The following UNC5B variants were observed in gnomAD, a reference collection of about 807,000 sequenced individuals.
UNC5B encodes unc-5 netrin receptor B, also known as netrin receptor UNC5B.
Under a neutral mutation model 103.7 loss-of-function variants are expected in UNC5B, and 56 were observed. The observed-to-expected ratio is 0.54, with a 90% CI of 0.44 to 0.67. UNC5B has a LOEUF of 0.67. UNC5B is among the 30% of genes least tolerant of loss of function. UNC5B has a pLI of 0.00. For synonymous variants in UNC5B, 577 were observed against 542.0 expected (o/e 1.06, Z -0.90); for missense variants, 1,194 against 1,284.5 (o/e 0.93, Z 1.08).
chr10:71,240,433 T>G (rs1843873479), intron 1 of UNC5B, among the ~76,000 whole-genome samples: 1 of 152,234 alleles, frequency 6.6e-6, no homozygotes, highest in African/African-American at 2.4e-5. Flanking sequence ...CAGGGTGGAC[T>G]AGCCATAGTG....
At chr10:71,265,935 G>A (rs1844513454) in intron 1 of UNC5B, among the ~76,000 whole-genome samples, 1 of 152,146 alleles carries the variant, frequency 6.6e-6, no homozygotes, top group Non-Finnish European at 1.5e-5. Flanking sequence ...TGTGAGGTGG[G>A]AACGGTGAAG....
At chr10:71,236,391 C>T (rs1843774760) in intron 1 of UNC5B, among the ~76,000 whole-genome samples, 1 of 152,182 alleles carries the variant, frequency 6.6e-6, no homozygotes, top group Admixed American at 6.5e-5. Context: ...GGAAGGGAAG[C>T]AATGCAAGAT....
chr10:71,228,010 T>A (rs944226155), intron 1 of UNC5B, among the ~76,000 whole-genome samples: 2 of 152,196 alleles, frequency 1.3e-5, no homozygotes, highest in African/African-American at 4.8e-5. Flanking sequence ...GTGTGTGAAT[T>A]GGCAAATAGA....
rs781487930 is a variant in UNC5B at position 71,284,693 on chromosome 10, C to G, written c.305-27C>G. ...TCACATCCTTGCTTTGCCCCTGCCC[C>G]CTGACGGCTCTCTCTTCTCCTCCCA... On this transcript the variant is annotated intron_variant, in intron 2 of 16. Transcript: ENST00000335350. The G allele has an allele frequency of 3.1e-6, 5 of 1,611,872 alleles. No individual in the cohort carries two copies. The East Asian group carries it at 8.9e-5, about 29-fold the overall frequency.
At position 71,291,722 on chromosome 10, in the gene UNC5B, C is replaced by A; in HGVS notation, c.1585C>A (p.Leu529Ile). 2.5e-6 allele frequency: 4 copies of A among 1,612,384 alleles called. No homozygotes were observed. The highest frequency in any genetic ancestry group is 3.4e-6 in the Non-Finnish European group (4 of 1,179,970). Residue 529 changes from leucine (L) to isoleucine (I), a missense_variant, in exon 10 of 17, where the codon CTC becomes ATC. Transcript: ENST00000335350. ...THFLHLRSASLGSQQLLGLPR... is the reference protein window; with the variant it reads ...THFLHLRSASIGSQQLLGLPR... ...CTTCCTGCACCTGCGCAGCGCCAGC[C>A]TCGGTTCCCAGCAGCTCTTGGGCCT...
chr10:71,262,930 A>T (rs1035570966), intron 1 of UNC5B, among the ~76,000 whole-genome samples: 1 of 152,246 alleles, frequency 6.6e-6, no homozygotes, highest in African/African-American at 2.4e-5. Flanking sequence ...TAAGTATATA[A>T]CTTGAAAAGG....
chr10:71,247,203 G>A (rs1211971511), intron 1 of UNC5B, among the ~76,000 whole-genome samples: 1 of 152,198 alleles, frequency 6.6e-6, no homozygotes, highest in Admixed American at 6.5e-5. Context: ...GAGACAATAG[G>A]ATAGTAAAGG....
At chr10:71,289,567 T>G (rs1262848244) in intron 8 of UNC5B, among the ~76,000 whole-genome samples, 3 of 152,238 alleles carry the variant, frequency 2.0e-5, no homozygotes, top group Non-Finnish European at 4.4e-5. Context: ...TTGAGCAGGT[T>G]GGCCCATGGT....
In UNC5B at chr10:71,226,336, A is replaced by G. The variant is rs1034904113; in HGVS notation, c.79+13272A>G. ...GTGATCCGCTTGCCTCGGCCTCCCA[A>G]AGTGCTGGGATTACGGGCATGAGCC... On this transcript the variant is annotated intron_variant, in intron 1 of 16. Coordinates refer to ENST00000335350, the MANE Select transcript of UNC5B (RefSeq NM_170744.5). Among the ~76,000 whole-genome samples, 11 of 152,328 alleles carry G rather than the reference A, an allele frequency of 7.2e-5. No individual in the cohort carries two copies. In the East Asian group the frequency reaches 1.2e-3, roughly 16 times the overall value.
chr10:71,238,501 C>A (rs1330167529), intron 1 of UNC5B, among the ~76,000 whole-genome samples: 2 of 152,080 alleles, frequency 1.3e-5, no homozygotes, highest in Non-Finnish European at 2.9e-5. Context: ...TTTTTTTAGT[C>A]TCACTCTGTC....
chr10:71,255,670 C>G (rs1260090096), intron 1 of UNC5B, among the ~76,000 whole-genome samples: 1 of 152,210 alleles, frequency 6.6e-6, no homozygotes, highest in African/African-American at 2.4e-5. Flanking sequence ...TTAATATCAC[C>G]CCTGTGATCT....
In UNC5B at chr10:71,244,834, G is replaced by A. The variant is rs527544108; in HGVS notation, c.79+31770G>A. 2.0e-5 allele frequency among the ~76,000 whole-genome samples: 3 copies of A among 152,308 alleles called. 1 individual carries two copies. Among genetic ancestry groups the A allele is most frequent in the African/African-American group, 4.8e-5 (2 of 41,562 alleles). On this transcript the variant is annotated intron_variant, in intron 1 of 16. Coordinates refer to ENST00000335350, the MANE Select transcript of UNC5B (RefSeq NM_170744.5). Reference sequence around the variant, plus strand: ...TGGTTGGCGGCGGGGGCGTGCTGGCGTGCTTGTGTGACTGTGGGCGACCAT... The same window carrying A: ...TGGTTGGCGGCGGGGGCGTGCTGGCATGCTTGTGTGACTGTGGGCGACCAT...
In UNC5B at chr10:71,293,918, G is replaced by T; in HGVS notation, c.2160G>T (p.Thr720=). Residue 720 remains threonine (T), a synonymous_variant, in exon 13 of 17, where the codon ACG becomes ACT. Transcript: ENST00000335350. ...YSLRVYCLED[T]PVALKEVLEL... ...TCCGGGTCTACTGCCTGGAGGACAC[G>T]CCTGTAGCACTGAAGGTAGGGCCAG... 6.2e-7 allele frequency: 1 copy of T among 1,601,732 alleles called. No homozygotes were observed. The highest frequency in any genetic ancestry group is 1.1e-5 in the South Asian group (1 of 90,650).
rs1296752793 is a variant in UNC5B at position 71,295,800 on chromosome 10, C to G, written c.2176-11C>G. ...TGATGGGTTCCCCTTCCCCATGCCC[C>G]TGGCCCACAGGAGGTGCTGGAGCTG... On this transcript the variant is annotated splice_polypyrimidine_tract_variant and intron_variant, in intron 13 of 16. Transcript: ENST00000335350. The G allele has an allele frequency of 6.2e-7, 1 of 1,610,856 alleles. No homozygotes were observed. The highest frequency in any genetic ancestry group is 1.7e-5 in the Admixed American group (1 of 59,728).
intron 1 of UNC5B, among the ~76,000 whole-genome samples, chr10:71,236,015 G>A (rs1843768833): frequency 6.6e-6 from 1 of 152,256 alleles, no homozygotes; most frequent in African/African-American, 2.4e-5. Context: ...CGTTAGGCAA[G>A]TTCCTTTCCA....
chr10:71,222,471 G>A (rs1195498023), intron 1 of UNC5B, among the ~76,000 whole-genome samples: 1 of 152,182 alleles, frequency 6.6e-6, no homozygotes, highest in African/African-American at 2.4e-5. Context: ...TCTTGGCAGA[G>A]TGGGTGCTCT....
rs1392423030 is a variant in UNC5B, at chr10:71,291,418, C to T, written c.1295-14C>T. The T allele has an allele frequency of 3.2e-6, 5 of 1,585,910 alleles. No homozygotes were observed. The East Asian group carries it at 1.1e-4, about 35-fold the overall frequency. ...AGGCACAGCTGGGTCTGACTATAGC[C>T]CCTACTCCTGCAGGCAACCCGCAGC... On this transcript the variant is annotated splice_polypyrimidine_tract_variant and intron_variant, in intron 9 of 16. Transcript: ENST00000335350.
chr10:71,267,441 C>T lies in UNC5B; in HGVS notation c.80-12380C>T, dbSNP rs540487839. ...GAGGAGGAGACAGCTACTGAAAGAG[C>T]TATGGAGTGATTTCTGCACTGATGG... On this transcript the variant is annotated intron_variant, in intron 1 of 16. Transcript: ENST00000335350. 8.5e-5 allele frequency among the ~76,000 whole-genome samples: 13 copies of T among 152,258 alleles called. No individual in the cohort carries two copies. The East Asian group carries it at 2.1e-3, about 25-fold the overall frequency.
chr10:71,219,321 C>G (rs534630052), intron 1 of UNC5B, among the ~76,000 whole-genome samples: 1 of 152,094 alleles, frequency 6.6e-6, no homozygotes, highest in African/African-American at 2.4e-5. Flanking sequence ...TTAACTCACA[C>G]GATCACAAGG....
Sources: allele counts gnomAD v4.1 joint callset (sites outside exome capture counted in the v4.1 genomes callset), GRCh38; gene constraint gnomAD v4.1.1; transcripts MANE v1.5; gene names NCBI Gene and HGNC (gene_info 2026-07-23, HGNC 2026-07-21).